Variants in CCDC93 observed in about 807,000 individuals in gnomAD.
The protein encoded by CCDC93 is CCC complex scaffolding subunit CCDC93, also known as coiled-coil domain-containing protein 93.
In CCDC93, 61 loss-of-function variants were observed where a neutral mutation model predicts 108.2. That is an observed-to-expected ratio of 0.56 (90% CI 0.46 to 0.70). The LOEUF is 0.70. Among genes scored for constraint, CCDC93 ranks in the 30% least tolerant of loss-of-function variants. CCDC93 has a pLI of 0.00. For synonymous variants in CCDC93, 276 were observed against 260.4 expected (o/e 1.06, Z -0.58); for missense variants, 685 against 764.2 (o/e 0.90, Z 1.22).
At chr2:117,986,971 C>T (rs1680339867) in intron 6 of CCDC93, among the ~76,000 whole-genome samples, 1 of 149,650 alleles carries the variant, frequency 6.7e-6, no homozygotes, top group African/African-American at 2.5e-5. Context: ...AGCTTAACTG[C>T]TATTGTACTT....
chr2:117,958,531 G>C, intron 11 of CCDC93, 50 bp from the exon 12 acceptor site: 1 of 1,090,344 alleles, frequency 9.2e-7, no homozygotes. Flanking sequence ...AGTTGACCTT[G>C]GTTCATGTAA....
chr2:117,974,722 TG>T (rs1284191468), intron 10 of CCDC93, 127 bp downstream of exon 10: 2 of 678,042 alleles, frequency 2.9e-6, no homozygotes, highest in Non-Finnish European at 5.3e-6. Context: ...AGGAACTCCC[TG>T]GGGAAGAGGA....
intron 21 of CCDC93, chr2:117,935,782 G>A: frequency 4.8e-6 from 2 of 414,558 alleles, no homozygotes; most frequent in Non-Finnish European, 8.5e-6. Context: ...AAATTAGCCT[G>A]GTCTTATAAT....
At chr2:117,987,111 C>T (rs184731478) in intron 6 of CCDC93, among the ~76,000 whole-genome samples, 35 of 151,696 alleles carry the variant, frequency 2.3e-4, no homozygotes, top group Admixed American at 5.9e-4. Flanking sequence ...CCTTTTATTC[C>T]GCCAAACAAT....
chr2:117,930,342 A>G (rs1678284602), intron 23 of CCDC93, among the ~76,000 whole-genome samples: 1 of 152,232 alleles, frequency 6.6e-6, no homozygotes, highest in Non-Finnish European at 1.5e-5. Context: ...CTGAGACCCT[A>G]GCAAGGGACC....
rs182222995 is a variant in CCDC93 at position 117,932,316 on chromosome 2, C to T, written c.1729-1166G>A. Among the ~76,000 whole-genome samples the T allele has an allele frequency of 7.2e-5, 11 of 152,280 alleles. No homozygotes were observed. The East Asian group carries it at 1.9e-3, about 27-fold the overall frequency. ...ATGCCTGACCATGATTTCTGTGTTA[C>T]ACTTTGGGAGGGATTTGGTAAACAC... On this transcript the variant is annotated intron_variant, in intron 22 of 23. Coordinates refer to ENST00000376300, the MANE Select transcript of CCDC93 (RefSeq NM_019044.5).
chr2:117,930,888 C>A lies in CCDC93; in HGVS notation c.1842+149G>T. The A allele has an allele frequency of 1.0e-5, 6 of 571,758 alleles. No homozygotes were observed. The South Asian group carries it at 1.5e-4, about 15-fold the overall frequency. 35.4% of individuals were successfully genotyped at this position (571,758 alleles called of 1,614,324 possible). On this transcript the variant is annotated intron_variant, in intron 23 of 23. Transcript: ENST00000376300. ...AACGCAATCTTCAGCTACCTAGACG[C>A]CACACTTCACTGCCAGATCACACTC... is the stretch of plus-strand genomic sequence containing the variant.
intron 11 of CCDC93, among the ~76,000 whole-genome samples, chr2:117,963,626 TG>T (rs1362842494): frequency 6.6e-6 from 1 of 152,252 alleles, no homozygotes; most frequent in Non-Finnish European, 1.5e-5. Context: ...TCTAAGGCTT[TG>T]CTTTGGGTCC....
intron 6 of CCDC93, among the ~76,000 whole-genome samples, chr2:117,988,138 T>C (rs1445074750): frequency 6.6e-6 from 1 of 151,320 alleles, no homozygotes; most frequent in Admixed American, 6.6e-5. Context: ...ATGATATATG[T>C]ATTTATTTTA....
intron 12 of CCDC93, among the ~76,000 whole-genome samples, chr2:117,956,141 A>T (rs1679208355): frequency 6.6e-6 from 1 of 152,224 alleles, no homozygotes; most frequent in African/African-American, 2.4e-5. Flanking sequence ...TGGCCTAGCT[A>T]CATGGTCAGG....
intron 2 of CCDC93, among the ~76,000 whole-genome samples, chr2:118,008,297 C>G (rs1324648841): frequency 6.6e-6 from 1 of 152,182 alleles, no homozygotes; most frequent in Non-Finnish European, 1.5e-5. Context: ...AAAGAAGGAA[C>G]TATTTATTTT....
intron 6 of CCDC93, among the ~76,000 whole-genome samples, chr2:117,989,282 C>A (rs1458759050): frequency 6.6e-6 from 1 of 152,164 alleles, no homozygotes; most frequent in Admixed American, 6.5e-5. Flanking sequence ...TGATGCTGAG[C>A]AACATCACCA....
rs1390959853 is a variant in CCDC93 at position 117,996,180 on chromosome 2, G to C, written c.462+84C>G. 2.2e-5 allele frequency: 19 copies of C among 871,226 alleles called. 1 individual carries two copies. In the Admixed American group the frequency reaches 3.4e-4, roughly 16 times the overall value. 54.0% of individuals were successfully genotyped at this position (871,226 alleles called of 1,614,324 possible). On this transcript the variant is annotated intron_variant, in intron 5 of 23. Transcript: ENST00000376300. The stretch of plus-strand genomic sequence containing the variant: ...GGGCTGAGAATGTAGGGGAGCCTGA[G>C]CTTACTCTGCTCCTTGCTAGAGAGT...
chr2:118,002,716 G>C (rs1485525005), intron 3 of CCDC93, among the ~76,000 whole-genome samples: 2 of 152,118 alleles, frequency 1.3e-5, no homozygotes, highest in Non-Finnish European at 2.9e-5. Context: ...CCCTAACAGA[G>C]GAAGGGGTGA....
At chr2:117,946,943 C>A in intron 15 of CCDC93, 61 bp from the exon 16 acceptor site, 1 of 1,214,140 alleles carries the variant, frequency 8.2e-7, no homozygotes. Flanking sequence ...CGCAATTATT[C>A]AACTATTTGG....
intron 6 of CCDC93, among the ~76,000 whole-genome samples, chr2:117,991,495 T>C (rs1184825869): frequency 6.6e-6 from 1 of 152,194 alleles, no homozygotes; most frequent in Non-Finnish European, 1.5e-5. Flanking sequence ...TCAGGTGTAA[T>C]GTCAAAATCT....
rs144574733 is a variant in CCDC93 at position 117,961,552 on chromosome 2, C to A, written c.889-3071G>T. 8.0e-3 allele frequency among the ~76,000 whole-genome samples: 1,223 copies of A among 152,294 alleles called. 8 individuals are homozygous for A. The highest frequency in any genetic ancestry group is 0.013 in the Non-Finnish European group (874 of 68,022). On this transcript the variant is annotated intron_variant, in intron 11 of 23. Coordinates refer to ENST00000376300, the MANE Select transcript of CCDC93 (RefSeq NM_019044.5). ...AGTTCCTAACCTAGTAAACAGAAAGCTGACCGCTCTGTTTTTCAAACACAC... is the reference window on the plus strand; with the variant it reads ...AGTTCCTAACCTAGTAAACAGAAAGATGACCGCTCTGTTTTTCAAACACAC...
In CCDC93 at chr2:117,946,557, G is replaced by C. The variant is rs571024763; in HGVS notation, c.1296+254C>G. 5.3e-5 allele frequency among the ~76,000 whole-genome samples: 8 copies of C among 152,316 alleles called. No homozygotes were observed. In the South Asian group the frequency reaches 1.7e-3, roughly 32 times the overall value. On this transcript the variant is annotated intron_variant, in intron 16 of 23. Coordinates refer to ENST00000376300, the MANE Select transcript of CCDC93 (RefSeq NM_019044.5). ...TTTCCCAGAAACATCTCCCTAAACA[G>C]AGGGAGGCCAGAATTGTGTAATCTG...
intron 23 of CCDC93, among the ~76,000 whole-genome samples, chr2:117,927,862 C>T (rs961452914): frequency 8.5e-5 from 13 of 152,174 alleles, no homozygotes; most frequent in African/African-American, 3.1e-4. Flanking sequence ...TCAAACTATA[C>T]TACAAGGCTA....
Sources: gnomAD v4.1 joint callset for allele counts (sites outside exome capture counted in the v4.1 genomes callset) on GRCh38, gnomAD v4.1.1 for gene constraint, MANE v1.5 for transcripts, NCBI Gene and HGNC (gene_info 2026-07-23, HGNC 2026-07-21) for gene names.